Variants in NELL1 observed in about 807,000 individuals in gnomAD.
NELL1 encodes the protein neural EGFL like 1.
In NELL1, 76 loss-of-function variants were observed where a neutral mutation model predicts 107.4. The observed-to-expected ratio is 0.71, with a 90% CI of 0.59 to 0.86. The LOEUF (loss-of-function observed/expected upper bound fraction) is 0.86, where lower values mean the gene tolerates loss of function less well. Among genes scored for constraint, NELL1 ranks in the 40% least tolerant of loss-of-function variants. The pLI, the probability that NELL1 is intolerant of heterozygous loss-of-function variation, is 0.00. For missense variants in NELL1, 1,024 were observed against 1,005.5 expected, an observed-to-expected ratio of 1.02 and a Z score of -0.25; for synonymous variants, 353 against 341.2, an observed-to-expected ratio of 1.03 and a Z score of -0.38.
intron 4 of NELL1, among the ~76,000 whole-genome samples, chr11:20,863,433 T>TGGTGACCGGGCAGA (rs1849024330): frequency 3.1e-5 from 1 of 31,982 alleles, no homozygotes; most frequent in African/African-American, 5.4e-5. Context: ...CCAGAAGGGG[T>TGGTGACCGGGCAGA]GGCTGCTGGG....
chr11:21,129,157 A>G (rs1432790141), intron 13 of NELL1, among the ~76,000 whole-genome samples: 1 of 151,644 alleles, frequency 6.6e-6, no homozygotes, highest in East Asian at 1.9e-4. Context: ...TTGTTTCATT[A>G]TTGTGTGTAT....
intron 12 of NELL1, among the ~76,000 whole-genome samples, chr11:21,031,844 T>C (rs1024136222): frequency 6.6e-6 from 1 of 151,538 alleles, no homozygotes; most frequent in Non-Finnish European, 1.5e-5. Context: ...AGGTCAGGAG[T>C]GCGAGATCAG....
intron 11 of NELL1, among the ~76,000 whole-genome samples, chr11:20,950,117 C>G (rs1284786569): frequency 3.3e-5 from 5 of 152,146 alleles, no homozygotes; most frequent in Non-Finnish European, 7.4e-5. Flanking sequence ...CAGAGTCAGA[C>G]TCTGAAGTAA....
chr11:21,466,904 G>A (rs73463113), intron 15 of NELL1, among the ~76,000 whole-genome samples: 4,790 of 151,740 alleles, frequency 0.032, 230 homozygotes, highest in African/African-American at 0.1. Context: ...CTCATATGAC[G>A]GATATGAATA....
At chr11:21,018,348 A>G (rs937308761) in intron 12 of NELL1, among the ~76,000 whole-genome samples, 2 of 152,122 alleles carry the variant, frequency 1.3e-5, no homozygotes, top group Non-Finnish European at 2.9e-5. Context: ...ATTAGAGGCC[A>G]TGCTGTTACA....
chr11:21,292,896 T>C (rs553313774), intron 14 of NELL1, among the ~76,000 whole-genome samples: 21 of 152,282 alleles, frequency 1.4e-4, no homozygotes, highest in South Asian at 2.1e-4. Context: ...AAACTGAAAC[T>C]GGACCCCTTC....
chr11:20,958,690 C>CTT (rs1293769560), intron 11 of NELL1, among the ~76,000 whole-genome samples: 11 of 152,118 alleles, frequency 7.2e-5, no homozygotes, highest in Non-Finnish European at 1.6e-4. Context: ...ACTGAAGGAA[C>CTT]TTCTAAAGGC....
At chr11:20,951,018 C>T (rs886519188) in intron 11 of NELL1, among the ~76,000 whole-genome samples, 21 of 152,186 alleles carry the variant, frequency 1.4e-4, no homozygotes, top group Non-Finnish European at 4.4e-5. Flanking sequence ...AAGTCAAAAC[C>T]TTTCTCATGC....
At chr11:20,961,818 G>A (rs1851296528) in intron 12 of NELL1, among the ~76,000 whole-genome samples, 1 of 150,924 alleles carries the variant, frequency 6.6e-6, no homozygotes, top group South Asian at 2.1e-4. Context: ...TATACACAGG[G>A]GCCTAGAACC....
At chr11:21,534,980 G>C (rs1236140278) in intron 16 of NELL1, among the ~76,000 whole-genome samples, 2 of 152,018 alleles carry the variant, frequency 1.3e-5, no homozygotes, top group African/African-American at 4.8e-5. Flanking sequence ...TAAAAATGAG[G>C]ATAACAAGAT....
At chr11:21,275,739 G>C (rs1179275817) in intron 14 of NELL1, among the ~76,000 whole-genome samples, 1 of 152,306 alleles carries the variant, frequency 6.6e-6, no homozygotes, top group East Asian at 1.9e-4. Context: ...TGCAAGGCTG[G>C]TTCAACATAC....
intron 12 of NELL1, among the ~76,000 whole-genome samples, chr11:21,001,793 A>G (rs1000416357): frequency 5.3e-5 from 8 of 151,880 alleles, no homozygotes; most frequent in Non-Finnish European, 5.9e-5. Flanking sequence ...TAGCGAGAAC[A>G]GCCTCAAGGA....
intron 12 of NELL1, among the ~76,000 whole-genome samples, chr11:21,010,257 A>C (rs887310774): frequency 3.3e-5 from 5 of 151,876 alleles, no homozygotes; most frequent in African/African-American, 1.2e-4. Flanking sequence ...GTTTACTTCC[A>C]TTCTTTTCTT....
intron 14 of NELL1, among the ~76,000 whole-genome samples, chr11:21,286,607 GGC>G (rs1849122181): frequency 1.3e-5 from 2 of 152,150 alleles, no homozygotes; most frequent in African/African-American, 4.8e-5. Context: ...CCCAGTTGTT[GGC>G]TTCTATTTAG....
At chr11:20,702,462 C>A (rs1230073996) in intron 2 of NELL1, among the ~76,000 whole-genome samples, 1 of 152,066 alleles carries the variant, frequency 6.6e-6, no homozygotes, top group South Asian at 2.1e-4. Flanking sequence ...CAAACAGGGA[C>A]AATTTGACTT....
At chr11:21,130,465 AC>A (rs1344005462) in intron 13 of NELL1, among the ~76,000 whole-genome samples, 1 of 152,200 alleles carries the variant, frequency 6.6e-6, no homozygotes, top group East Asian at 1.9e-4. Flanking sequence ...GGCACTTCAC[AC>A]ACAGCATTTA....
chr11:21,446,038 T>G (rs1853418275), intron 15 of NELL1, among the ~76,000 whole-genome samples: 1 of 152,082 alleles, frequency 6.6e-6, no homozygotes, highest in Non-Finnish European at 1.5e-5. Context: ...TTTTAATTTT[T>G]TTTCTTTAGT....
At chr11:21,547,732 A>G (rs1363528247) in intron 16 of NELL1, among the ~76,000 whole-genome samples, 1 of 151,918 alleles carries the variant, frequency 6.6e-6, no homozygotes, top group Non-Finnish European at 1.5e-5. Context: ...CAGCTATTGA[A>G]CATAATCATT....
chr11:21,127,943 T>G (rs1855524859), intron 13 of NELL1, among the ~76,000 whole-genome samples: 1 of 152,188 alleles, frequency 6.6e-6, no homozygotes, highest in East Asian at 1.9e-4. Context: ...TCTTCATTTG[T>G]TTTTAACAGA....
Sources: gnomAD v4.1 joint callset for allele counts (sites outside exome capture counted in the v4.1 genomes callset) on GRCh38, gnomAD v4.1.1 for gene constraint, MANE v1.5 for transcripts, NCBI Gene and HGNC (gene_info 2026-07-23, HGNC 2026-07-21) for gene names.